PCDHGA2: variants seen among roughly 807,000 people sequenced by gnomAD.
PCDHGA2 encodes the protein protocadherin gamma-A2.
A neutral mutation model predicts 59.2 loss-of-function variants in PCDHGA2; 40 were observed. The ratio of observed to expected loss-of-function variants is 0.68; its 90% CI spans 0.52 to 0.88. The LOEUF (loss-of-function observed/expected upper bound fraction) is 0.88, where lower values mean the gene tolerates loss of function less well. Among genes scored for constraint, PCDHGA2 ranks in the 40% least tolerant of loss-of-function variants. The pLI is 0.00. For synonymous variants in PCDHGA2, 560 were observed against 526.0 expected (o/e 1.06, Z -0.89); for missense variants, 1,226 against 1,204.0 (o/e 1.02, Z -0.27).
intron 1 of PCDHGA2, chr5:141,433,315 TCCGGTGTAACAGGGACTA>T: frequency 1.2e-6 from 1 of 856,086 alleles, no homozygotes; most frequent in Non-Finnish European, 1.8e-6. Flanking sequence ...CACCTTTGCC[TCCGGTGTAACAGGGACTA>T]CAGGTGCAAG....
chr5:141,356,160 A>C, intron 1 of PCDHGA2: 1 of 1,613,338 alleles, frequency 6.2e-7, no homozygotes, highest in Non-Finnish European at 8.5e-7. Flanking sequence ...TAGATGTAGA[A>C]GCCCATGATG....
At chr5:141,473,205 A>G (rs370808895) in intron 1 of PCDHGA2, among the ~76,000 whole-genome samples, 1 of 152,036 alleles carries the variant, frequency 6.6e-6, no homozygotes, top group African/African-American at 2.4e-5. Flanking sequence ...CTTCTAAAAA[A>G]TGCTTACTTC....
chr5:141,385,105 C>T lies in PCDHGA2; in HGVS notation c.2424+43710C>T. ...TTCAGAAGGTGGCTTGGCGAACGTG[C>T]CCACCTCGCACTTTGTGGGCATGGA... On this transcript the variant is annotated intron_variant, in intron 1 of 3. Transcript: ENST00000394576. 3 of 1,614,176 alleles carry T rather than the reference C, an allele frequency of 1.9e-6. No homozygotes were observed. Among genetic ancestry groups the T allele is most frequent in the Non-Finnish European group, 2.5e-6 (3 of 1,180,044 alleles).
At chr5:141,380,859 A>G (rs1428223236) in intron 1 of PCDHGA2, among the ~76,000 whole-genome samples, 1 of 152,262 alleles carries the variant, frequency 6.6e-6, no homozygotes, top group Non-Finnish European at 1.5e-5. Context: ...AGACATTGAG[A>G]GCTATAACCT....
At chr5:141,407,505 T>TTTTTTTTTTTTTTTTTTTTTTGAGACGG (rs1460306566) in intron 1 of PCDHGA2, among the ~76,000 whole-genome samples, 2 of 152,142 alleles carry the variant, frequency 1.3e-5, no homozygotes, top group African/African-American at 2.4e-5. Context: ...CTGTTTTTCT[T>TTTTTTTTTTTTTTTTTTTTTTGAGACGG]AGGCTATGTA....
chr5:141,465,483 A>T (rs1279787337), intron 1 of PCDHGA2, among the ~76,000 whole-genome samples: 1 of 152,236 alleles, frequency 6.6e-6, no homozygotes, highest in Non-Finnish European at 1.5e-5. Flanking sequence ...TCATGAGAGG[A>T]ATGAGCGGGA....
chr5:141,415,740 GTTTTTTTTTTTTTTTTTT>G (rs57426385), intron 1 of PCDHGA2: 9 of 625,028 alleles, frequency 1.4e-5, no homozygotes, highest in African/African-American at 5.0e-5. Flanking sequence ...GTTTATTAAG[GTTTTTTTTTTTTTTTTTT>G]TTTTTTTTTT....
At chr5:141,349,986 C>CT (rs1758385156) in intron 1 of PCDHGA2, 2 of 313,962 alleles carry the variant, frequency 6.4e-6, no homozygotes, top group East Asian at 5.2e-5. Context: ...AGAGGTTGCG[C>CT]TTTGAGGATA....
At chr5:141,355,153 T>C in intron 1 of PCDHGA2, 1 of 1,549,638 alleles carries the variant, frequency 6.5e-7, no homozygotes, top group Non-Finnish European at 8.7e-7. Flanking sequence ...TCCTCAGGCC[T>C]CGACAGAGGG....
At chr5:141,394,783 C>A in intron 1 of PCDHGA2, 7 of 1,613,732 alleles carry the variant, frequency 4.3e-6, no homozygotes, top group Non-Finnish European at 5.9e-6. Flanking sequence ...CTCTCCGCCA[C>A]TGTCACGCTC....
At chr5:141,430,906 C>A (rs764039566) in intron 1 of PCDHGA2, 2 of 1,606,932 alleles carry the variant, frequency 1.2e-6, no homozygotes, top group Non-Finnish European at 1.7e-6. Flanking sequence ...GCGACATCTC[C>A]AGGGACCTGG....
In PCDHGA2 at chr5:141,360,167, T is replaced by G. The variant is rs937249062; in HGVS notation, c.2424+18772T>G. The stretch of plus-strand genomic sequence containing the variant: ...GCGAGCTCAGGGAGGTGCGGGCTGG[T>G]GCGGTGGCTGCAGGTACTGTTGCCC... On this transcript the variant is annotated intron_variant, in intron 1 of 3. Transcript: ENST00000394576. 3 of 1,607,514 alleles carry G rather than the reference T, an allele frequency of 1.9e-6. No homozygotes were observed. The African/African-American group carries it at 4.0e-5, about 22-fold the overall frequency.
At chr5:141,387,637 G>C in intron 1 of PCDHGA2, 1 of 603,262 alleles carries the variant, frequency 1.7e-6, no homozygotes, top group Non-Finnish European at 2.8e-6. Flanking sequence ...GGGCGCCGCT[G>C]TTGGCCAAAG....
intron 1 of PCDHGA2, chr5:141,389,441 C>T: frequency 6.2e-7 from 1 of 1,610,584 alleles, no homozygotes; most frequent in South Asian, 1.1e-5. Context: ...GCGCCTTCGA[C>T]CACGAGCAGC....
At chr5:141,355,936 G>A (rs1462167461) in intron 1 of PCDHGA2, 31 of 1,613,826 alleles carry the variant, frequency 1.9e-5, no homozygotes, top group Non-Finnish European at 2.5e-5. Flanking sequence ...CACTCAGCCC[G>A]AGTACCACGT....
At chr5:141,405,277 T>C (rs770051288) in intron 1 of PCDHGA2, 5 of 1,614,196 alleles carry the variant, frequency 3.1e-6, no homozygotes, top group Non-Finnish European at 4.2e-6. Context: ...AGCCCAACTA[T>C]GCAGACACAC....
chr5:141,501,290 T>C lies in PCDHGA2; in HGVS notation c.2484-4103T>C, dbSNP rs796726601. Among the ~76,000 whole-genome samples, 19 of 136,248 alleles carry C rather than the reference T, an allele frequency of 1.4e-4. No individual in the cohort carries two copies. The South Asian group carries it at 2.4e-3, about 17-fold the overall frequency. 89.4% of individuals were successfully genotyped at this position (136,248 alleles called of 152,430 possible). ...GTCCAGTCTATGGGATATTCCCTTA[T>C]ACACACACACACACACACACACACA... On this transcript the variant is annotated intron_variant, in intron 2 of 3. Coordinates refer to ENST00000394576, the MANE Select transcript of PCDHGA2 (RefSeq NM_018915.4).
At chr5:141,344,118 G>C in intron 1 of PCDHGA2, 1 of 1,613,992 alleles carries the variant, frequency 6.2e-7, no homozygotes. Context: ...AACAGGATCC[G>C]GTCAGATCCG....
intron 1 of PCDHGA2, among the ~76,000 whole-genome samples, chr5:141,402,771 G>A (rs2094306356): frequency 6.6e-6 from 1 of 152,218 alleles, no homozygotes; most frequent in African/African-American, 2.4e-5. Context: ...ACTCCATCCG[G>A]ATTTCCAGTT....
Sources: allele counts gnomAD v4.1 joint callset (sites outside exome capture counted in the v4.1 genomes callset), GRCh38; gene constraint gnomAD v4.1.1; transcripts MANE v1.5; gene names NCBI Gene and HGNC (gene_info 2026-07-23, HGNC 2026-07-21).